The following MROH9 variants were observed in gnomAD, a reference collection of about 807,000 sequenced individuals.
MROH9 encodes the protein maestro heat like repeat family member 9.
In MROH9, 92 loss-of-function variants were observed where a neutral mutation model predicts 98.2. That is an observed-to-expected ratio of 0.94 (90% CI 0.79 to 1.11). The LOEUF is 1.11. Ranked by LOEUF, MROH9 falls within the 50% of genes most tolerant of loss-of-function variation. The pLI, the probability that MROH9 is intolerant of heterozygous loss-of-function variation, is 0.00. For missense variants in MROH9, 1,057 were observed against 1,014.8 expected (o/e 1.04, Z -0.57); for synonymous variants, 397 against 368.9 (o/e 1.08, Z -0.87).
intron 8 of MROH9, among the ~76,000 whole-genome samples, chr1:170,980,870 T>C (rs888164873): frequency 6.6e-6 from 1 of 152,140 alleles, no homozygotes; most frequent in South Asian, 2.1e-4. Context: ...AATCTATCCA[T>C]GTGACAAAGG....
chr1:171,043,819 T>G (rs552888166), intron 20 of MROH9, among the ~76,000 whole-genome samples: 1 of 152,264 alleles, frequency 6.6e-6, no homozygotes, highest in South Asian at 2.1e-4. Context: ...GTATGTTGAT[T>G]TTTGTATTTT....
chr1:170,971,629 G>A (rs1423362227), intron 7 of MROH9, 119 bp from the exon 8 acceptor site: 6 of 1,177,238 alleles, frequency 5.1e-6, no homozygotes, highest in South Asian at 3.0e-5. Context: ...TACAGATATT[G>A]TAAACTCTGA....
intron 20 of MROH9, among the ~76,000 whole-genome samples, chr1:171,037,488 T>C (rs892284232): frequency 6.6e-6 from 1 of 151,976 alleles, no homozygotes; most frequent in African/African-American, 2.4e-5. Flanking sequence ...ATAAACCCTA[T>C]TTTAGGAAAA....
intron 1 of MROH9, among the ~76,000 whole-genome samples, chr1:170,937,458 A>G (rs1178352093): frequency 6.6e-6 from 1 of 152,178 alleles, no homozygotes; most frequent in Non-Finnish European, 1.5e-5. Flanking sequence ...ATTAAAAGGA[A>G]ATACTCATAA....
chr1:171,040,570 C>T (rs1343911845), intron 20 of MROH9, among the ~76,000 whole-genome samples: 1 of 152,066 alleles, frequency 6.6e-6, no homozygotes, highest in Non-Finnish European at 1.5e-5. Flanking sequence ...TTTCTGATTA[C>T]TCAAGTAAAA....
intron 15 of MROH9, among the ~76,000 whole-genome samples, chr1:171,002,218 G>T (rs1028948967): frequency 2.6e-5 from 4 of 152,154 alleles, no homozygotes; most frequent in African/African-American, 9.7e-5. Context: ...CTTTTAAGTG[G>T]AGTGTTTAGA....
intron 3 of MROH9, among the ~76,000 whole-genome samples, chr1:170,950,373 A>C (rs1369818620): frequency 6.6e-6 from 1 of 152,144 alleles, no homozygotes; most frequent in East Asian, 1.9e-4. Context: ...TAAAGGAGAC[A>C]GCCATCTATC....
intron 7 of MROH9, among the ~76,000 whole-genome samples, chr1:170,968,284 C>T (rs937055985): frequency 6.6e-5 from 10 of 152,154 alleles, no homozygotes; most frequent in Non-Finnish European, 1.0e-4. Context: ...TACATTGTCC[C>T]GCATTCCTCT....
chr1:170,973,866 G>A (rs1157458549), intron 8 of MROH9, among the ~76,000 whole-genome samples: 1 of 152,074 alleles, frequency 6.6e-6, no homozygotes, highest in Non-Finnish European at 1.5e-5. Context: ...TAGAGAAATG[G>A]CACAGATGAT....
At chr1:171,004,052 C>T (rs924059390) in intron 15 of MROH9, among the ~76,000 whole-genome samples, 9 of 152,106 alleles carry the variant, frequency 5.9e-5, no homozygotes, top group African/African-American at 2.2e-4. Context: ...CTTCACCCAG[C>T]TTCCACACAA....
At chr1:171,041,827 T>G (rs1281314274) in intron 20 of MROH9, among the ~76,000 whole-genome samples, 1 of 152,020 alleles carries the variant, frequency 6.6e-6, no homozygotes, top group Non-Finnish European at 1.5e-5. Context: ...ATTAGTGACA[T>G]TCAACATTTT....
intron 7 of MROH9, among the ~76,000 whole-genome samples, chr1:170,966,349 T>C (rs559778751): frequency 8.5e-5 from 13 of 152,212 alleles, no homozygotes; most frequent in African/African-American, 2.4e-4. Context: ...TTATACTACC[T>C]ATGAACATTT....
At chr1:171,014,645 C>T (rs1318046531) in intron 16 of MROH9, among the ~76,000 whole-genome samples, 1 of 152,130 alleles carries the variant, frequency 6.6e-6, no homozygotes, top group African/African-American at 2.4e-5. Flanking sequence ...CATAATGTTC[C>T]TACTTTACCT....
chr1:170,969,900 T>C (rs1650374826), intron 7 of MROH9, among the ~76,000 whole-genome samples: 1 of 152,206 alleles, frequency 6.6e-6, no homozygotes, highest in Non-Finnish European at 1.5e-5. Context: ...GTAACTGTGG[T>C]TGTCACGCTT....
At position 171,017,535 on chromosome 1, in the gene MROH9, G is replaced by T. The variant is rs575469347; in HGVS notation, c.1908+1199G>T. ...ATCTGTTTAAGACTGCTGAACTCCT[G>T]GGGGAGGGGTGACTGGCACAACAGC... On this transcript the variant is annotated intron_variant, in intron 17 of 21. Transcript: ENST00000367759. Among the ~76,000 whole-genome samples, 12 of 152,320 alleles carry T rather than the reference G, an allele frequency of 7.9e-5. No individual in the cohort carries two copies. In the South Asian group the frequency reaches 1.2e-3, roughly 16 times the overall value.
chr1:171,039,804 A>G (rs762351556), intron 20 of MROH9, among the ~76,000 whole-genome samples: 1 of 152,208 alleles, frequency 6.6e-6, no homozygotes, highest in Non-Finnish European at 1.5e-5. Context: ...GCACACTAAT[A>G]AAGGACGTCC....
At chr1:171,064,041 A>G (rs900266383) in intron 21 of MROH9, 58 bp from the exon 22 acceptor site, 14 of 1,482,900 alleles carry the variant, frequency 9.4e-6, no homozygotes, top group Middle Eastern at 3.5e-4. Context: ...TTAGTATTAA[A>G]GCTTCATGGC....
chr1:170,999,159 G>A lies in MROH9; in HGVS notation c.1596+885G>A, dbSNP rs549654313. Among the ~76,000 whole-genome samples the A allele has an allele frequency of 3.7e-4, 56 of 150,942 alleles. No homozygotes were observed. The South Asian group carries it at 0.011, about 31-fold the overall frequency. On this transcript the variant is annotated intron_variant, in intron 15 of 21. Coordinates refer to ENST00000367759, the MANE Select transcript of MROH9 (RefSeq NM_001163629.2). ...ATCAATCTTTAGTTGACTATTTACA[G>A]GTGGGTTTCTTTTTTTTCCCCATAA...
Position 170,996,497 on chromosome 1 carries a change from G to A in MROH9, c.1338-10G>A. ...GCATGTGATGACTTTGCTCTCTTTT[G>A]GGGCTTTAGGTATGCCCAGGATGCC... On this transcript the variant is annotated splice_polypyrimidine_tract_variant and intron_variant, in intron 13 of 21. Transcript: ENST00000367759. 1 of 1,611,696 alleles carries A rather than the reference G, an allele frequency of 6.2e-7. No homozygotes were observed. The highest frequency in any genetic ancestry group is 8.5e-7 in the Non-Finnish European group (1 of 1,178,858).
Sources: gnomAD v4.1 joint callset for allele counts (sites outside exome capture counted in the v4.1 genomes callset) on GRCh38, gnomAD v4.1.1 for gene constraint, MANE v1.5 for transcripts, NCBI Gene and HGNC (gene_info 2026-07-23, HGNC 2026-07-21) for gene names.